MARCHF6: variants seen among roughly 807,000 people sequenced by gnomAD.
The protein encoded by MARCHF6 is membrane associated ring-CH-type finger 6.
MARCHF6 carries 31 observed loss-of-function variants against 133.7 expected under a neutral mutation model. The observed-to-expected ratio is 0.23, with a 90% confidence interval of 0.17 to 0.31. The LOEUF is 0.31. Among genes scored for constraint, MARCHF6 ranks in the 10% least tolerant of loss-of-function variants. MARCHF6 has a pLI of 1.00. For missense variants in MARCHF6, 723 were observed against 1,121.6 expected (o/e 0.64, Z 5.08); for synonymous variants, 395 against 402.5 (o/e 0.98, Z 0.22).
intron 1 of MARCHF6, among the ~76,000 whole-genome samples, chr5:10,356,909 GTT>G (rs1735508985): frequency 6.6e-6 from 1 of 152,090 alleles, no homozygotes; most frequent in African/African-American, 2.4e-5. Context: ...CATACTAATT[GTT>G]TGCTAGATTT....
Position 10,417,393 on chromosome 5 carries a change from T to A in MARCHF6, c.2272T>A (p.Tyr758Asn). 1 of 1,613,714 alleles carries A rather than the reference T, an allele frequency of 6.2e-7. No individual in the cohort carries two copies. Among genetic ancestry groups the A allele is most frequent in the Non-Finnish European group, 8.5e-7 (1 of 1,179,910 alleles). The change falls in exon 22 of 26, where the codon TAT (tyrosine) becomes AAT (asparagine). Residue 758 changes from tyrosine (Y) to asparagine (N), a missense_variant. Tyr to Asn is a moderately radical substitution (Grantham distance 143, BLOSUM62 -2). This residue lies in a region of MARCHF6 where 492 missense variants were observed against 699.5 expected (regional missense o/e 0.70). Transcript: ENST00000274140. ...TCCCTTGGATCAGACTCCTCTTTTT[T>A]ATCCATGGCAGGTAAATGTATGTCT... is the stretch of plus-strand genomic sequence containing the variant. Reference protein sequence around the residue: ...RVPLDQTPLFYPWQDWALGVL... With the variant: ...RVPLDQTPLFNPWQDWALGVL...
chr5:10,356,470 A>T (rs1735481608), intron 1 of MARCHF6, among the ~76,000 whole-genome samples: 1 of 150,508 alleles, frequency 6.6e-6, no homozygotes, highest in East Asian at 1.9e-4. Flanking sequence ...ATCTCTGCTC[A>T]CTGCAACCTC....
At chr5:10,393,677 C>T (rs894462433) in intron 7 of MARCHF6, among the ~76,000 whole-genome samples, 14 of 152,168 alleles carry the variant, frequency 9.2e-5, no homozygotes, top group African/African-American at 3.4e-4. Flanking sequence ...GAATAAAATC[C>T]AGACTCCACA....
At chr5:10,412,865 C>T (rs991064195) in intron 19 of MARCHF6, among the ~76,000 whole-genome samples, 1 of 152,114 alleles carries the variant, frequency 6.6e-6, no homozygotes, top group African/African-American at 2.4e-5. Context: ...TAAGCCACTG[C>T]GGCTGGCCTA....
intron 3 of MARCHF6, among the ~76,000 whole-genome samples, chr5:10,380,826 C>T (rs1173159127): frequency 6.6e-6 from 1 of 151,776 alleles, no homozygotes; most frequent in African/African-American, 2.4e-5. Context: ...ACTTGGGAGC[C>T]TGAGGCAGGA....
At chr5:10,416,588 T>C (rs1005082453) in intron 21 of MARCHF6, among the ~76,000 whole-genome samples, 1 of 152,212 alleles carries the variant, frequency 6.6e-6, no homozygotes, top group South Asian at 2.1e-4. Flanking sequence ...ACACATCATA[T>C]TTAGTCTCTT....
At chr5:10,379,741 G>A (rs199888683) in intron 3 of MARCHF6, among the ~76,000 whole-genome samples, 3 of 152,062 alleles carry the variant, frequency 2.0e-5, no homozygotes, top group African/African-American at 4.8e-5. Context: ...GATTACAGGC[G>A]TGAGCCACCG....
intron 21 of MARCHF6, 123 bp from the exon 22 acceptor site, chr5:10,417,147 C>G (rs1739557147): frequency 1.6e-5 from 18 of 1,093,350 alleles, no homozygotes; most frequent in South Asian, 9.5e-5. Context: ...AAAACCAGTC[C>G]CCGTGGATAC....
In MARCHF6 at chr5:10,397,362, T is replaced by C. The variant is rs1481304923; in HGVS notation, c.913+18T>C. 5.8e-6 allele frequency: 4 copies of C among 689,616 alleles called. No homozygotes were observed. The highest frequency in any genetic ancestry group is 3.5e-5 in the South Asian group (1 of 28,692). 42.7% of individuals were successfully genotyped at this position (689,616 alleles called of 1,614,324 possible). ...TGTTTTTGGTAAGTTGTGTTTGTGC[T>C]TTTTTTTTTTATAGTATTATGGTAG... On this transcript the variant is annotated intron_variant, in intron 10 of 25. Coordinates refer to ENST00000274140, the MANE Select transcript of MARCHF6 (RefSeq NM_005885.4).
intron 1 of MARCHF6, among the ~76,000 whole-genome samples, chr5:10,362,268 T>G (rs189484391): frequency 7.8e-4 from 119 of 152,384 alleles, no homozygotes; most frequent in South Asian, 3.9e-3. Context: ...AAATATTGGG[T>G]ACATGTCTAC....
intron 23 of MARCHF6, among the ~76,000 whole-genome samples, chr5:10,424,746 A>G (rs1002928732): frequency 6.6e-6 from 1 of 152,212 alleles, no homozygotes; most frequent in Non-Finnish European, 1.5e-5. Flanking sequence ...GCTCGAGGTA[A>G]TAAAAGAAGA....
intron 10 of MARCHF6, among the ~76,000 whole-genome samples, chr5:10,399,264 T>C (rs1458002064): frequency 1.3e-5 from 2 of 152,120 alleles, no homozygotes; most frequent in African/African-American, 4.8e-5. Context: ...TTATTAAATT[T>C]CTTCTGCTTT....
intron 18 of MARCHF6, among the ~76,000 whole-genome samples, chr5:10,411,087 A>G (rs761679993): frequency 2.0e-5 from 3 of 152,184 alleles, no homozygotes; most frequent in Admixed American, 6.5e-5. Flanking sequence ...TTCTTCTCAG[A>G]TACTGGCTGA....
In MARCHF6 at chr5:10,385,986, T is replaced by G. The variant is rs191800636; in HGVS notation, c.335-1008T>G. ...AACTTTTCTCTAGCTTAGCATCGTA[T>G]CCTGGTGGTCTTTCCATGTACGTGA... On this transcript the variant is annotated intron_variant, in intron 4 of 25. Transcript: ENST00000274140. 4.1e-4 allele frequency among the ~76,000 whole-genome samples: 63 copies of G among 152,254 alleles called. 1 individual carries two copies. Among genetic ancestry groups the G allele is most frequent in the Admixed American group, 3.2e-3 (49 of 15,304 alleles).
intron 1 of MARCHF6, 68 bp from the exon 2 acceptor site, chr5:10,377,730 T>C: frequency 9.2e-7 from 1 of 1,092,094 alleles, no homozygotes; most frequent in Non-Finnish European, 1.4e-6. Flanking sequence ...TTTTGGTTTA[T>C]GCTTGTTTCT....
In MARCHF6 at chr5:10,437,749, A is replaced by G. The variant is rs1029673425; in HGVS notation, c.*4065A>G. ...CAAACACCTTAGGGTACCCAGACCA[A>G]TTTTATGTATATATATTCTGAAATG... On this transcript the variant is annotated 3_prime_UTR_variant, in exon 26 of 26. Transcript: ENST00000274140. The G allele has an allele frequency of 2.4e-4, 36 of 152,202 alleles. No homozygotes were observed. Among genetic ancestry groups the G allele is most frequent in the Non-Finnish European group, 5.1e-4 (35 of 68,028 alleles). The allele number at this position is 152,202 out of a possible 1,614,324, so 9.4% of individuals were successfully genotyped here. A position where few individuals can be genotyped will look rare whatever the true frequency, so the allele number is the denominator to read the frequency against.
At chr5:10,369,196 A>G (rs1187421835) in intron 1 of MARCHF6, among the ~76,000 whole-genome samples, 2 of 152,232 alleles carry the variant, frequency 1.3e-5, no homozygotes, top group Admixed American at 1.3e-4. Flanking sequence ...TTACATGTCC[A>G]TGCCTAATTT....
At chr5:10,409,175 G>T (rs1413254926) in intron 17 of MARCHF6, among the ~76,000 whole-genome samples, 1 of 152,018 alleles carries the variant, frequency 6.6e-6, no homozygotes, top group Non-Finnish European at 1.5e-5. Flanking sequence ...AAAATAAAAG[G>T]TTTACTCTAC....
chr5:10,410,883 G>C (rs1348104086), intron 18 of MARCHF6, among the ~76,000 whole-genome samples: 1 of 152,230 alleles, frequency 6.6e-6, no homozygotes, highest in Middle Eastern at 3.4e-3. Context: ...CAAATTTATA[G>C]CTTGTAGCTA....
Sources: allele counts gnomAD v4.1 joint callset (sites outside exome capture counted in the v4.1 genomes callset), GRCh38; gene constraint gnomAD v4.1.1; regional missense constraint gnomAD v4.1.1; transcripts MANE v1.5; gene names NCBI Gene and HGNC (gene_info 2026-07-23, HGNC 2026-07-21).